The following NWD2 variants were observed in gnomAD, a reference collection of about 807,000 sequenced individuals.
NWD2 encodes NACHT and WD repeat domain-containing protein 2.
In NWD2, 37 loss-of-function variants were observed where a neutral mutation model predicts 132.7. The ratio of observed to expected loss-of-function variants is 0.28; its 90% CI spans 0.21 to 0.37. The LOEUF is 0.37. Ranked by LOEUF, NWD2 falls within the 10% of genes least tolerant of loss-of-function variation. The pLI, the probability that NWD2 is intolerant of heterozygous loss-of-function variation, is 1.00. For missense variants in NWD2, 1,592 were observed against 2,122.4 expected (o/e 0.75, Z 4.91); for synonymous variants, 705 against 803.0 (o/e 0.88, Z 2.06).
intron 3 of NWD2, among the ~76,000 whole-genome samples, chr4:37,357,856 G>A (rs887685265): frequency 3.3e-5 from 5 of 152,080 alleles, no homozygotes; most frequent in Non-Finnish European, 7.4e-5. Flanking sequence ...TCACTGATAA[G>A]GTGACTCTGA....
intron 1 of NWD2, among the ~76,000 whole-genome samples, chr4:37,304,449 T>G (rs1262935456): frequency 2.0e-5 from 3 of 152,214 alleles, no homozygotes; most frequent in African/African-American, 7.2e-5. Flanking sequence ...CTTTATTCAT[T>G]TCAGCATTAA....
chr4:37,296,036 A>G (rs960522036), intron 1 of NWD2, among the ~76,000 whole-genome samples: 4 of 152,198 alleles, frequency 2.6e-5, no homozygotes, highest in Admixed American at 2.0e-4. Context: ...ACACATTCCC[A>G]ACTGAGTGGA....
intron 2 of NWD2, among the ~76,000 whole-genome samples, chr4:37,336,310 T>C (rs962647024): frequency 1.3e-5 from 2 of 152,258 alleles, no homozygotes; most frequent in African/African-American, 4.8e-5. Flanking sequence ...ATGAAAATTA[T>C]TAATGAGGCA....
At chr4:37,281,594 A>G (rs1718131511) in intron 1 of NWD2, among the ~76,000 whole-genome samples, 2 of 152,092 alleles carry the variant, frequency 1.3e-5, no homozygotes, top group African/African-American at 4.8e-5. Context: ...TTCTCTTACT[A>G]ACCCTGTGAG....
intron 1 of NWD2, among the ~76,000 whole-genome samples, chr4:37,281,723 T>C (rs1018944529): frequency 6.6e-6 from 1 of 152,182 alleles, no homozygotes; most frequent in Non-Finnish European, 1.5e-5. Flanking sequence ...AGCTAGGTAG[T>C]GTGGAACTTA....
chr4:37,354,158 G>A (rs960915741), intron 2 of NWD2, among the ~76,000 whole-genome samples: 1 of 152,136 alleles, frequency 6.6e-6, no homozygotes, highest in African/African-American at 2.4e-5. Flanking sequence ...GTTTGCCTGG[G>A]TGTCACCAGC....
chr4:37,430,189 C>A (rs1046827993), intron 3 of NWD2, among the ~76,000 whole-genome samples: 2 of 152,052 alleles, frequency 1.3e-5, no homozygotes, highest in Non-Finnish European at 2.9e-5. Context: ...CAGAGCAGTT[C>A]TTTGGTTTGA....
chr4:37,324,641 C>G (rs2109287236), intron 1 of NWD2, among the ~76,000 whole-genome samples: 1 of 152,244 alleles, frequency 6.6e-6, no homozygotes, highest in South Asian at 2.1e-4. Context: ...CGCTTTTTCT[C>G]TTTGGACTTA....
intron 1 of NWD2, among the ~76,000 whole-genome samples, chr4:37,261,857 T>C (rs1353079901): frequency 6.6e-6 from 1 of 152,204 alleles, no homozygotes; most frequent in East Asian, 1.9e-4. Flanking sequence ...TCTGATGAGA[T>C]ATTGTTTGAA....
At chr4:37,417,724 T>C (rs1398972999) in intron 3 of NWD2, among the ~76,000 whole-genome samples, 1 of 152,174 alleles carries the variant, frequency 6.6e-6, no homozygotes, top group African/African-American at 2.4e-5. Flanking sequence ...TATCCTGGAA[T>C]TGAACAATTA....
intron 3 of NWD2, among the ~76,000 whole-genome samples, chr4:37,393,191 G>A (rs1379391317): frequency 3.3e-4 from 1 of 2,994 alleles, no homozygotes; most frequent in East Asian, 0.1. Flanking sequence ...GAAACATCCG[G>A]GGGTTGGGGG....
intron 3 of NWD2, among the ~76,000 whole-genome samples, chr4:37,376,791 A>G (rs1720357260): frequency 6.6e-6 from 1 of 152,194 alleles, no homozygotes; most frequent in Non-Finnish European, 1.5e-5. Context: ...TGTCAGTCAC[A>G]TGGACCTCTA....
intron 1 of NWD2, among the ~76,000 whole-genome samples, chr4:37,282,818 A>ATGATTTTGGAAT (rs1560384641): frequency 2.0e-5 from 3 of 152,156 alleles, no homozygotes; most frequent in African/African-American, 7.2e-5. Flanking sequence ...AGTTGTATTT[A>ATGATTTTGGAAT]GTTTTTTTTA....
At chr4:37,387,290 AT>A (rs200489027) in intron 3 of NWD2, among the ~76,000 whole-genome samples, 2,235 of 152,036 alleles carry the variant, frequency 0.015, 39 homozygotes, top group African/African-American at 0.048. Flanking sequence ...TTCTACACCA[AT>A]TTTTTTTAAT....
chr4:37,430,501 C>G (rs1159773941), intron 3 of NWD2, 71 bp from the exon 4 acceptor site: 7 of 1,033,494 alleles, frequency 6.8e-6, no homozygotes, highest in Non-Finnish European at 1.0e-5. Context: ...TATTCAGTGA[C>G]CATGTGATGT....
At chr4:37,394,799 G>GTTTTTTTGTTTTTTTTTTTT (rs1720747182) in intron 3 of NWD2, among the ~76,000 whole-genome samples, 3 of 52,596 alleles carry the variant, frequency 5.7e-5, no homozygotes, top group African/African-American at 2.3e-4. Context: ...AACCTTTATG[G>GTTTTTTTGTTTTTTTTTTTT]TTTTTTTTTT....
chr4:37,351,236 A>C (rs1159950282), intron 2 of NWD2, among the ~76,000 whole-genome samples: 1 of 152,176 alleles, frequency 6.6e-6, no homozygotes, highest in African/African-American at 2.4e-5. Flanking sequence ...TATTGTTGGA[A>C]TAGTTTCAGA....
At chr4:37,352,074 T>C (rs1203309188) in intron 2 of NWD2, among the ~76,000 whole-genome samples, 1 of 152,182 alleles carries the variant, frequency 6.6e-6, no homozygotes, top group Non-Finnish European at 1.5e-5. Context: ...TCTTTTGCAT[T>C]TGCTGAGGAG....
chr4:37,281,983 A>G (rs1027855904), intron 1 of NWD2, among the ~76,000 whole-genome samples: 3 of 152,202 alleles, frequency 2.0e-5, no homozygotes, highest in Admixed American at 6.5e-5. Context: ...GAAGAAACAG[A>G]AAGATCCATC....
Sources: allele counts gnomAD v4.1 joint callset (sites outside exome capture counted in the v4.1 genomes callset), GRCh38; gene constraint gnomAD v4.1.1; transcripts MANE v1.5; gene names NCBI Gene and HGNC (gene_info 2026-07-23, HGNC 2026-07-21).